The following RIMS4 variants were observed in gnomAD, a reference collection of about 807,000 sequenced individuals.
The protein encoded by RIMS4 is regulating synaptic membrane exocytosis 4.
In RIMS4, 9 loss-of-function variants were observed where a neutral mutation model predicts 29.0. The observed-to-expected ratio is 0.31, with a 90% confidence interval of 0.19 to 0.54. The LOEUF (loss-of-function observed/expected upper bound fraction) is 0.54. RIMS4 is among the 20% of genes least tolerant of loss of function. RIMS4 has a pLI of 0.94. For missense variants in RIMS4, 193 were observed against 365.7 expected, an observed-to-expected ratio of 0.53 and a Z score of 3.85; for synonymous variants, 130 against 152.9, an observed-to-expected ratio of 0.85 and a Z score of 1.10.
At chr20:44,809,790 G>A (rs1186459059) in intron 1 of RIMS4, among the ~76,000 whole-genome samples, 1 of 151,950 alleles carries the variant, frequency 6.6e-6, no homozygotes, top group African/African-American at 2.4e-5. Context: ...CGGGGGGCGC[G>A]TCGGAGCCCC....
At chr20:44,760,084 A>G (rs1390653329) in intron 2 of RIMS4, among the ~76,000 whole-genome samples, 3 of 152,208 alleles carry the variant, frequency 2.0e-5, no homozygotes, top group Non-Finnish European at 4.4e-5. Flanking sequence ...TTGAAAGAAT[A>G]GGTACAAAAC....
intron 2 of RIMS4, among the ~76,000 whole-genome samples, chr20:44,758,407 T>G (rs980329859): frequency 6.6e-6 from 1 of 152,142 alleles, no homozygotes; most frequent in South Asian, 2.1e-4. Flanking sequence ...ATTAGATACA[T>G]AGAACTGCAG....
intron 2 of RIMS4, among the ~76,000 whole-genome samples, chr20:44,769,623 T>TTCCTCC (rs376688441): frequency 6.6e-6 from 1 of 151,974 alleles, no homozygotes; most frequent in Non-Finnish European, 1.5e-5. Flanking sequence ...ACTGGCTCCC[T>TTCCTCC]TCCTCCTCCT....
chr20:44,756,841 T>G lies in RIMS4; in HGVS notation c.591+57A>C. The stretch of plus-strand genomic sequence containing the variant: ...CAGGGGTGCCCTCCTCTCATTCTGG[T>G]ACTGTGCATGTGTGCTCGTGCACAC... On this transcript the variant is annotated intron_variant, in intron 5 of 5. Transcript: ENST00000372851. This position sits in a 1 kb window ranked among gnomAD's most constrained non-coding sequence, Gnocchi z 5.9. The G allele has an allele frequency of 6.4e-7, 1 of 1,564,132 alleles. No individual in the cohort carries two copies. Among genetic ancestry groups the G allele is most frequent in the Non-Finnish European group, 8.7e-7 (1 of 1,150,664 alleles).
intron 1 of RIMS4, among the ~76,000 whole-genome samples, chr20:44,786,101 T>C (rs2066207378): frequency 6.6e-6 from 1 of 152,226 alleles, no homozygotes; most frequent in Non-Finnish European, 1.5e-5. Flanking sequence ...TTCTCAAACC[T>C]GCTGCCCTAC....
intron 1 of RIMS4, among the ~76,000 whole-genome samples, chr20:44,780,734 G>A (rs1357139949): frequency 6.6e-6 from 1 of 151,826 alleles, no homozygotes; most frequent in Admixed American, 6.6e-5. Flanking sequence ...GCAGGCCAGA[G>A]TGCAATTTTT....
At chr20:44,802,611 C>T (rs1026355257) in intron 1 of RIMS4, among the ~76,000 whole-genome samples, 1 of 152,164 alleles carries the variant, frequency 6.6e-6, no homozygotes, top group Non-Finnish European at 1.5e-5. Context: ...CCAGCTACAG[C>T]GTGAAAGGAA....
chr20:44,779,274 G>T (rs2066173498), intron 1 of RIMS4, among the ~76,000 whole-genome samples: 1 of 152,166 alleles, frequency 6.6e-6, no homozygotes, highest in Non-Finnish European at 1.5e-5. Flanking sequence ...AAAGAAAACT[G>T]TACAATTATA....
intron 1 of RIMS4, among the ~76,000 whole-genome samples, chr20:44,791,398 A>C (rs1037138090): frequency 1.3e-5 from 2 of 152,232 alleles, no homozygotes; most frequent in African/African-American, 2.4e-5. Flanking sequence ...CCTTGGGGGA[A>C]TTACCTAATT....
chr20:44,797,836 T>C (rs923823182), intron 1 of RIMS4, among the ~76,000 whole-genome samples: 5 of 152,218 alleles, frequency 3.3e-5, no homozygotes, highest in African/African-American at 1.2e-4. Context: ...CTTTGATATG[T>C]GCAGTATCAT....
At chr20:44,809,650 A>T (rs753817950) in intron 1 of RIMS4, among the ~76,000 whole-genome samples, 3 of 152,090 alleles carry the variant, frequency 2.0e-5, no homozygotes, top group Non-Finnish European at 4.4e-5. Flanking sequence ...CCAGCCCATG[A>T]GGGAAGGAGA....
chr20:44,809,156 G>A (rs1175514879), intron 1 of RIMS4, among the ~76,000 whole-genome samples: 1 of 152,162 alleles, frequency 6.6e-6, no homozygotes, highest in Non-Finnish European at 1.5e-5. Flanking sequence ...AGGCTCAGAG[G>A]TGGCATGACT....
chr20:44,773,566 G>A (rs541736444), intron 1 of RIMS4, among the ~76,000 whole-genome samples: 7 of 151,646 alleles, frequency 4.6e-5, no homozygotes, highest in African/African-American at 9.7e-5. Context: ...CACCTGCCTC[G>A]GCTCCCTCCC....
chr20:44,779,828 G>A (rs1337787740), intron 1 of RIMS4, among the ~76,000 whole-genome samples: 1 of 152,058 alleles, frequency 6.6e-6, no homozygotes, highest in Non-Finnish European at 1.5e-5. Context: ...GATTAACCAC[G>A]GTGTGAACTG....
intron 2 of RIMS4, among the ~76,000 whole-genome samples, chr20:44,763,195 G>C (rs1490000333): frequency 6.6e-6 from 1 of 152,214 alleles, no homozygotes; most frequent in East Asian, 1.9e-4. Flanking sequence ...ACTGGATTTG[G>C]CATAACGCAG....
chr20:44,792,751 G>A (rs1259218199), intron 1 of RIMS4, among the ~76,000 whole-genome samples: 1 of 152,150 alleles, frequency 6.6e-6, no homozygotes, highest in Non-Finnish European at 1.5e-5. Context: ...TGGCATATAT[G>A]AAATAATAAA....
rs1389785090 is a variant in RIMS4 at position 44,752,060 on chromosome 20, C to T, written c.*4074G>A. 6.6e-6 allele frequency: 1 copy of T among 152,234 alleles called. No individual in the cohort carries two copies. The highest frequency in any genetic ancestry group is 2.4e-5 in the African/African-American group (1 of 41,448). The allele number at this position is 152,234 out of a possible 1,614,324, so 9.4% of individuals were successfully genotyped here. A position where few individuals can be genotyped will look rare whatever the true frequency, so the allele number is the denominator to read the frequency against. On this transcript the variant is annotated 3_prime_UTR_variant, in exon 6 of 6. Transcript: ENST00000372851. ...AAGTGAAAGGGCTCCAGAGGTGATG[C>T]TCACAGCCCTGGGTTCGGCTCCATT... is the stretch of plus-strand genomic sequence containing the variant.
intron 1 of RIMS4, among the ~76,000 whole-genome samples, chr20:44,809,105 G>A (rs2074881983): frequency 6.6e-6 from 1 of 152,116 alleles, no homozygotes; most frequent in African/African-American, 2.4e-5. Context: ...ACAGAGCTTT[G>A]CATCGATACG....
At chr20:44,785,756 T>TC (rs2066205738) in intron 1 of RIMS4, among the ~76,000 whole-genome samples, 1 of 151,474 alleles carries the variant, frequency 6.6e-6, no homozygotes, top group Admixed American at 6.6e-5. Flanking sequence ...TTTTCTTTTT[T>TC]TTTTTTTTTT....
Sources: gnomAD v4.1 joint callset for allele counts (sites outside exome capture counted in the v4.1 genomes callset) on GRCh38, gnomAD v4.1.1 for gene constraint, Gnocchi (gnomAD v3.1) non-coding constraint, MANE v1.5 for transcripts, NCBI Gene and HGNC (gene_info 2026-07-23, HGNC 2026-07-21) for gene names.